Variants in USP42 observed in about 807,000 individuals in gnomAD.
USP42 encodes the protein ubiquitin specific peptidase 42.
In USP42, 23 loss-of-function variants were observed where a neutral mutation model predicts 113.0. The observed-to-expected ratio is 0.20, with a 90% confidence interval of 0.15 to 0.29. The LOEUF (loss-of-function observed/expected upper bound fraction) is 0.29, where lower values mean the gene tolerates loss of function less well. Among genes scored for constraint, USP42 ranks in the 10% least tolerant of loss-of-function variants. The probability of loss-of-function intolerance (pLI) is 1.00; values close to 1 mark genes in which losing one functional copy is unlikely to be tolerated. For missense variants in USP42, 2,174 were observed against 1,779.8 expected (o/e 1.22, Z -3.99); for synonymous variants, 933 against 699.0 (o/e 1.33, Z -5.28).
chr7:6,115,958 T>G (rs1779888231), intron 3 of USP42, among the ~76,000 whole-genome samples: 2 of 151,824 alleles, frequency 1.3e-5, no homozygotes, highest in Admixed American at 1.3e-4. Context: ...TAAAAATTAG[T>G]CTAGCATGGC....
chr7:6,081,705 G>C, the USP42 span: 6 of 152,262 alleles, frequency 3.9e-5, no homozygotes, highest in African/African-American at 1.2e-4. Context: ...GGTCGGGTGA[G>C]AGGGTGATCG....
chr7:6,115,957 G>C (rs1169221382), intron 3 of USP42, among the ~76,000 whole-genome samples: 2 of 152,012 alleles, frequency 1.3e-5, no homozygotes, highest in African/African-American at 4.8e-5. Flanking sequence ...ATAAAAATTA[G>C]TCTAGCATGG....
the USP42 span, among the ~76,000 whole-genome samples, chr7:6,091,985 T>TTCTTCC: frequency 1.5e-4 from 5 of 34,322 alleles, 1 homozygote; most frequent in South Asian, 1.2e-3. Flanking sequence ...TTTTTTCTTC[T>TTCTTCC]TCTTCTTCTT....
rs1356240622 is a variant in USP42 at position 6,158,526 on chromosome 7, G to A, written c.3944-924G>A. On this transcript the variant is annotated intron_variant, in intron 16 of 17. Coordinates refer to ENST00000306177, the MANE Select transcript of USP42 (RefSeq NM_032172.3). This position sits in a 1 kb window ranked among gnomAD's most constrained non-coding sequence, Gnocchi z 4.2. The stretch of plus-strand genomic sequence containing the variant: ...AGAGCCAGCATGCATTGTTGATTGA[G>A]GGGTAAACGGTCCTTAGAGTGTGTG... Among the ~76,000 whole-genome samples the A allele has an allele frequency of 6.6e-6, 1 of 152,182 alleles. No homozygotes were observed. The highest frequency in any genetic ancestry group is 1.5e-5 in the Non-Finnish European group (1 of 68,024).
the USP42 span, among the ~76,000 whole-genome samples, chr7:6,082,912 T>G: frequency 1.4e-5 from 2 of 146,678 alleles, no homozygotes; most frequent in South Asian, 4.2e-4. Flanking sequence ...CGCCTGTGTC[T>G]CTATTAAATT....
At position 6,154,646 on chromosome 7, in the gene USP42, A is replaced by G. The variant is rs1275568088; in HGVS notation, c.3092A>G (p.Asp1031Gly). Residue 1031 changes from aspartate (D) to glycine (G), a missense_variant, in exon 15 of 18, where the codon GAC (aspartate) becomes GGC (glycine). By Grantham distance (94) the Asp-to-Gly change is moderately conservative. Coordinates refer to ENST00000306177, the MANE Select transcript of USP42 (RefSeq NM_032172.3). ...HSRHRSGVEL[D>G]WVRHHYTEGE... ...CGACACCGGAGCGGGGTGGAGCTGG[A>G]CTGGGTCAGACACCACTACACCGAG... 1.2e-6 allele frequency: 2 copies of G among 1,605,702 alleles called. No individual in the cohort carries two copies. The highest frequency in any genetic ancestry group is 1.1e-5 in the South Asian group (1 of 89,636).
rs1205585269 is a variant in USP42 at position 6,159,675 on chromosome 7, C to T, written c.*36+182C>T. ...CCAGGCCACGCGCTTGGGGACAGAC[C>T]TAGACCCTCCACCTCATCACGTTTG... is the stretch of plus-strand genomic sequence containing the variant. On this transcript the variant is annotated intron_variant, in intron 17 of 17. Coordinates refer to ENST00000306177, the MANE Select transcript of USP42 (RefSeq NM_032172.3). This position sits in a 1 kb window ranked among gnomAD's most constrained non-coding sequence, Gnocchi z 4.1. 1.3e-5 allele frequency among the ~76,000 whole-genome samples: 2 copies of T among 152,162 alleles called. No individual in the cohort carries two copies. The highest frequency in any genetic ancestry group is 1.5e-5 in the Non-Finnish European group (1 of 68,016).
intron 3 of USP42, among the ~76,000 whole-genome samples, chr7:6,131,774 C>G (rs1206642752): frequency 6.6e-6 from 1 of 152,178 alleles, no homozygotes; most frequent in Non-Finnish European, 1.5e-5. Flanking sequence ...CTTTCTCTTT[C>G]TACCTTTCAC....
chr7:6,115,867 G>C (rs1043863981), intron 3 of USP42, among the ~76,000 whole-genome samples: 16 of 152,126 alleles, frequency 1.1e-4, no homozygotes, highest in Admixed American at 3.9e-4. Flanking sequence ...GAGAGACCGA[G>C]GAGAAAGGAT....
intron 3 of USP42, among the ~76,000 whole-genome samples, chr7:6,122,027 C>G (rs1387996560): frequency 2.0e-5 from 3 of 152,046 alleles, no homozygotes; most frequent in Non-Finnish European, 4.4e-5. Context: ...AGAACGAGCT[C>G]TTGGTTTCAT....
the USP42 span, among the ~76,000 whole-genome samples, chr7:6,098,670 G>A: frequency 6.7e-6 from 1 of 150,308 alleles, no homozygotes; most frequent in African/African-American, 2.5e-5. Flanking sequence ...TCCTGCCTCA[G>A]CCTCCTGAGT....
In USP42 at chr7:6,153,906, C is replaced by A. The variant is rs766451435; in HGVS notation, c.2352C>A (p.Pro784=). The A allele has an allele frequency of 6.3e-7, 1 of 1,594,708 alleles. No homozygotes were observed. Among genetic ancestry groups the A allele is most frequent in the East Asian group, 2.3e-5 (1 of 43,774 alleles). The part of the protein sequence containing the change: ...KAPPPRDPGT[P]ATKEGAWEAM... Reference sequence around the variant, plus strand: ...CGCCGCCCCGCGATCCCGGCACCCCCGCTACCAAAGAAGGCGCCTGGGAGG... The same window carrying A: ...CGCCGCCCCGCGATCCCGGCACCCCAGCTACCAAAGAAGGCGCCTGGGAGG... The change falls in exon 15 of 18, where the codon CCC becomes CCA. Residue 784 remains proline, a synonymous_variant. Coordinates refer to ENST00000306177, the MANE Select transcript of USP42 (RefSeq NM_032172.3).
At chr7:6,085,051 T>A in the USP42 span, 1 of 151,068 alleles carries the variant, frequency 6.6e-6, no homozygotes, top group East Asian at 1.9e-4. Flanking sequence ...TCCACCCTAC[T>A]TTTCTCCCTG....
Position 6,149,795 on chromosome 7 carries a change from C to G in USP42, c.1599C>G (p.Arg533=). The G allele has an allele frequency of 6.2e-7, 1 of 1,614,038 alleles. No individual in the cohort carries two copies. The highest frequency in any genetic ancestry group is 8.5e-7 in the Non-Finnish European group (1 of 1,179,896). Residue 533 remains arginine, a synonymous_variant, in exon 13 of 18, where the codon CGC becomes CGG. Transcript: ENST00000306177. ...GTATTCACAACAAGTTGCCTGTTCG[C>G]CAGTGTCAGTCTCAACCTAACCTTC... The part of the protein sequence containing the change: ...TISIHNKLPV[R]QCQSQPNLHS...
chr7:6,113,626 T>A (rs763874758), intron 2 of USP42, among the ~76,000 whole-genome samples: 11 of 152,018 alleles, frequency 7.2e-5, no homozygotes, highest in Admixed American at 1.3e-4. Flanking sequence ...TGTTTTTGTT[T>A]TTGTTTTTTT....
rs1280663856 is a variant in USP42 at position 6,154,686 on chromosome 7, G to T, written c.3132G>T (p.Trp1044Cys). ...RHHYTEGERG[W>C]GREKFYPDRP... Reference sequence around the variant, plus strand: ...ACTACACCGAGGGCGAGCGTGGCTGGGGCCGGGAGAAGTTCTACCCCGACA... The same window carrying T: ...ACTACACCGAGGGCGAGCGTGGCTGTGGCCGGGAGAAGTTCTACCCCGACA... The change falls in exon 15 of 18, where the codon TGG becomes TGT. Residue 1044 changes from tryptophan to cysteine, a missense_variant. By Grantham distance (215) the Trp-to-Cys change is radical. Coordinates refer to ENST00000306177, the MANE Select transcript of USP42 (RefSeq NM_032172.3). 5.0e-6 allele frequency: 8 copies of T among 1,604,306 alleles called. No homozygotes were observed. Among genetic ancestry groups the T allele is most frequent in the Non-Finnish European group, 6.8e-6 (8 of 1,176,444 alleles).
Position 6,155,086 on chromosome 7 carries a change from G to C in USP42, c.3532G>C (p.Ala1178Pro), listed in dbSNP as rs747126672. The part of the protein sequence containing the change: ...ENSDSHVEKK[A>P]RRSEQKDPLE... ...CAGTGACAGTCATGTTGAAAAGAAA[G>C]CCCGGAGGAGCGAACAGAAGGATCC... The change falls in exon 15 of 18, where the codon GCC becomes CCC. Residue 1178 changes from alanine (A) to proline (P), a missense_variant. Coordinates refer to ENST00000306177, the MANE Select transcript of USP42 (RefSeq NM_032172.3). The C allele has an allele frequency of 3.8e-6, 6 of 1,561,218 alleles. No individual in the cohort carries two copies. Among genetic ancestry groups the C allele is most frequent in the Non-Finnish European group, 4.3e-6 (5 of 1,152,776 alleles).
At chr7:6,133,549 C>T (rs1780964855) in intron 3 of USP42, among the ~76,000 whole-genome samples, 1 of 152,202 alleles carries the variant, frequency 6.6e-6, no homozygotes, top group Non-Finnish European at 1.5e-5. Context: ...GGATCTTACT[C>T]TGTCACCCAG....
chr7:6,095,826 G>A, the USP42 span, among the ~76,000 whole-genome samples: 4 of 150,822 alleles, frequency 2.7e-5, no homozygotes, highest in Non-Finnish European at 5.9e-5. Context: ...GCAGTGGTGT[G>A]GTCACATCTC....
Sources: gnomAD v4.1 joint callset for allele counts (sites outside exome capture counted in the v4.1 genomes callset) on GRCh38, gnomAD v4.1.1 for gene constraint, Gnocchi (gnomAD v3.1) non-coding constraint, MANE v1.5 for transcripts, NCBI Gene and HGNC (gene_info 2026-07-23, HGNC 2026-07-21) for gene names.